The following CABCOCO1 variants were observed in gnomAD, a reference collection of about 807,000 sequenced individuals.
The protein encoded by CABCOCO1 is ciliary-associated calcium-binding coiled-coil protein 1.
A neutral mutation model predicts 35.7 loss-of-function variants in CABCOCO1; 28 were observed. The ratio of observed to expected loss-of-function variants is 0.78; its 90% CI spans 0.58 to 1.07. CABCOCO1 has a LOEUF of 1.07. Among genes scored for constraint, CABCOCO1 ranks in the 50% least tolerant of loss-of-function variants. CABCOCO1 has a pLI of 0.00. For missense variants in CABCOCO1, 326 were observed against 309.2 expected, an observed-to-expected ratio of 1.05 and a Z score of -0.41; for synonymous variants, 95 against 100.1, an observed-to-expected ratio of 0.95 and a Z score of 0.30.
chr10:61,687,450 G>A (rs187411154), intron 4 of CABCOCO1, among the ~76,000 whole-genome samples: 53 of 152,226 alleles, frequency 3.5e-4, no homozygotes, highest in Non-Finnish European at 6.5e-4. Flanking sequence ...TATTTGAACA[G>A]TCCCAGTTTC....
chr10:61,698,466 TAGAA>T (rs1228440017), intron 5 of CABCOCO1, among the ~76,000 whole-genome samples: 4 of 152,086 alleles, frequency 2.6e-5, no homozygotes, highest in Admixed American at 6.6e-5. Context: ...ATGATATACT[TAGAA>T]AGATATTTAA....
chr10:61,720,871 G>C, intron 5 of CABCOCO1, among the ~76,000 whole-genome samples: 1 of 139,480 alleles, frequency 7.2e-6, no homozygotes, highest in East Asian at 2.2e-4. Flanking sequence ...TTGTTAGATT[G>C]TATTGCTGGT....
intron 5 of CABCOCO1, among the ~76,000 whole-genome samples, chr10:61,695,214 A>G (rs1294789625): frequency 6.6e-6 from 1 of 151,916 alleles, no homozygotes; most frequent in Non-Finnish European, 1.5e-5. Flanking sequence ...GAAAAATACA[A>G]TAAAAATTAA....
intron 5 of CABCOCO1, among the ~76,000 whole-genome samples, chr10:61,711,403 C>T (rs937063766): frequency 6.6e-6 from 1 of 151,726 alleles, no homozygotes; most frequent in African/African-American, 2.4e-5. Context: ...AGGTGATTTC[C>T]TAATAAAAAA....
chr10:61,680,662 C>T (rs74188495), intron 2 of CABCOCO1, among the ~76,000 whole-genome samples: 1,603 of 64,118 alleles, frequency 0.025, 201 homozygotes, highest in East Asian at 0.036. Flanking sequence ...TTATGTTATA[C>T]ATGTATAACA....
At chr10:61,739,910 C>G (rs1841511857) in intron 5 of CABCOCO1, among the ~76,000 whole-genome samples, 1 of 152,094 alleles carries the variant, frequency 6.6e-6, no homozygotes, top group South Asian at 2.1e-4. Context: ...CCACTGCGCT[C>G]CAGCCTGGGC....
At chr10:61,756,708 T>C (rs1841904280) in intron 5 of CABCOCO1, among the ~76,000 whole-genome samples, 1 of 152,104 alleles carries the variant, frequency 6.6e-6, no homozygotes, top group Non-Finnish European at 1.5e-5. Context: ...GCATTAGGCC[T>C]CAGGCAACTC....
At chr10:61,682,599 TTCCC>T (rs1839828265) in intron 3 of CABCOCO1, among the ~76,000 whole-genome samples, 1 of 152,174 alleles carries the variant, frequency 6.6e-6, no homozygotes, top group Admixed American at 6.5e-5. Context: ...TAAATTGGTT[TTCCC>T]CTCAATAGGA....
At chr10:61,746,605 G>A (rs546812655) in intron 5 of CABCOCO1, among the ~76,000 whole-genome samples, 3 of 152,112 alleles carry the variant, frequency 2.0e-5, no homozygotes, top group East Asian at 3.9e-4. Flanking sequence ...CTCTTCACAC[G>A]ACAATCAGTA....
At chr10:61,667,091 T>A (rs1302264260) in intron 1 of CABCOCO1, among the ~76,000 whole-genome samples, 1 of 143,314 alleles carries the variant, frequency 7.0e-6, no homozygotes, top group African/African-American at 2.5e-5. Context: ...TATATAAATT[T>A]CATATAGTAT....
chr10:61,716,583 T>C (rs941249578), intron 5 of CABCOCO1, among the ~76,000 whole-genome samples: 1 of 152,126 alleles, frequency 6.6e-6, no homozygotes, highest in East Asian at 1.9e-4. Flanking sequence ...AAACTGAAAA[T>C]AGCTCTTCCA....
chr10:61,760,642 T>C (rs1281316862), intron 6 of CABCOCO1, among the ~76,000 whole-genome samples: 2 of 151,896 alleles, frequency 1.3e-5, no homozygotes, highest in African/African-American at 4.8e-5. Flanking sequence ...TCAGGACAAA[T>C]AGCTAATGCA....
chr10:61,763,507 T>A (rs1230275692), intron 7 of CABCOCO1, among the ~76,000 whole-genome samples: 1 of 151,966 alleles, frequency 6.6e-6, no homozygotes, highest in Non-Finnish European at 1.5e-5. Flanking sequence ...TGGCCCTGAG[T>A]TGTGTAATAA....
At chr10:61,719,290 A>G (rs1406616193) in intron 5 of CABCOCO1, among the ~76,000 whole-genome samples, 1 of 152,202 alleles carries the variant, frequency 6.6e-6, no homozygotes, top group Non-Finnish European at 1.5e-5. Context: ...TTGATTTCCA[A>G]CTTAAACTAA....
Position 61,690,634 on chromosome 10 carries a change from T to C in CABCOCO1, c.552+13T>C, listed in dbSNP as rs768248871. On this transcript the variant is annotated intron_variant, in intron 5 of 7. Transcript: ENST00000648843. ...GATAGGAACTGAGGTAAGTAATTTA[T>C]CTAGATGGAACAAGTTAAGCAGAAT... is the stretch of plus-strand genomic sequence containing the variant. 4.5e-6 allele frequency: 7 copies of C among 1,551,606 alleles called. No homozygotes were observed. Among genetic ancestry groups the C allele is most frequent in the Non-Finnish European group, 6.2e-6 (7 of 1,126,296 alleles).
At chr10:61,675,739 A>AT (rs1839494335) in intron 2 of CABCOCO1, among the ~76,000 whole-genome samples, 1 of 152,120 alleles carries the variant, frequency 6.6e-6, no homozygotes. Context: ...CCAAAAAAAA[A>AT]ACATGGTAAA....
intron 5 of CABCOCO1, among the ~76,000 whole-genome samples, chr10:61,702,690 T>C (rs1040715396): frequency 1.3e-5 from 2 of 152,100 alleles, no homozygotes; most frequent in Non-Finnish European, 2.9e-5. Flanking sequence ...CAAGTTGGCT[T>C]ATGAGGCCAC....
At chr10:61,679,969 A>G (rs1283506018) in intron 2 of CABCOCO1, among the ~76,000 whole-genome samples, 1 of 152,018 alleles carries the variant, frequency 6.6e-6, no homozygotes, top group Non-Finnish European at 1.5e-5. Context: ...GAAAATTATA[A>G]CTCTAGAAAA....
At chr10:61,717,351 GAAAATA>G (rs760928777) in intron 5 of CABCOCO1, among the ~76,000 whole-genome samples, 2 of 151,828 alleles carry the variant, frequency 1.3e-5, no homozygotes, top group Non-Finnish European at 2.9e-5. Flanking sequence ...TCTTATTTTT[GAAAATA>G]AATACATCAA....
Sources: allele counts gnomAD v4.1 joint callset (sites outside exome capture counted in the v4.1 genomes callset), GRCh38; gene constraint gnomAD v4.1.1; transcripts MANE v1.5; gene names NCBI Gene and HGNC (gene_info 2026-07-23, HGNC 2026-07-21).